PCBP3: variants seen among roughly 807,000 people sequenced by gnomAD.
The protein encoded by PCBP3 is poly(rC) binding protein 3.
In PCBP3, 25 loss-of-function variants were observed where a neutral mutation model predicts 52.7. The ratio of observed to expected loss-of-function variants is 0.47; its 90% CI spans 0.35 to 0.66. The LOEUF is 0.66. Among genes scored for constraint, PCBP3 ranks in the 30% least tolerant of loss-of-function variants. The pLI is 0.01. For missense variants in PCBP3, 391 were observed against 490.3 expected (o/e 0.80, Z 1.91); for synonymous variants, 162 against 183.0 (o/e 0.89, Z 0.93).
intron 3 of PCBP3, among the ~76,000 whole-genome samples, chr21:45,747,549 G>A (rs942857730): frequency 7.9e-5 from 12 of 152,244 alleles, no homozygotes; most frequent in Non-Finnish European, 1.5e-4. Flanking sequence ...GGCCTGCGGG[G>A]ATGGGCAGCA....
intron 2 of PCBP3, among the ~76,000 whole-genome samples, chr21:45,691,139 A>C (rs549035058): frequency 6.6e-6 from 1 of 152,176 alleles, no homozygotes; most frequent in Non-Finnish European, 1.5e-5. Flanking sequence ...CAGGCAAGTA[A>C]ACAAAGAGTA....
intron 4 of PCBP3, among the ~76,000 whole-genome samples, chr21:45,840,438 C>T (rs1487296376): frequency 7.8e-6 from 1 of 127,866 alleles, no homozygotes; most frequent in Non-Finnish European, 1.6e-5. Flanking sequence ...GCCTGGGTGA[C>T]AGAGCGGGAC....
intron 13 of PCBP3, chr21:45,918,076 A>ACT: frequency 4.2e-6 from 1 of 237,754 alleles, no homozygotes; most frequent in Non-Finnish European, 8.4e-6. Flanking sequence ...TCCCCCTTTC[A>ACT]GAGTCCACAT....
rs888609850 is a variant in PCBP3, at chr21:45,880,930, G to A, written c.11-15278G>A. On this transcript the variant is annotated intron_variant, in intron 5 of 17. Coordinates refer to ENST00000681687, the MANE Select transcript of PCBP3 (RefSeq NM_001384156.1). This position sits in a 1 kb window ranked among gnomAD's most constrained non-coding sequence, Gnocchi z 5.4. ...GCACAGCAGTGGGAAGGTACCCAGGGGCTTCAGCACGGGGTGAGTCCAAGC... is the reference window on the plus strand; with the variant it reads ...GCACAGCAGTGGGAAGGTACCCAGGAGCTTCAGCACGGGGTGAGTCCAAGC... Among the ~76,000 whole-genome samples the A allele has an allele frequency of 6.6e-6, 1 of 152,156 alleles. No homozygotes were observed. Among genetic ancestry groups the A allele is most frequent in the African/African-American group, 2.4e-5 (1 of 41,434 alleles).
At chr21:45,711,254 C>T (rs1322971276) in intron 2 of PCBP3, among the ~76,000 whole-genome samples, 1 of 152,124 alleles carries the variant, frequency 6.6e-6, no homozygotes, top group Admixed American at 6.6e-5. Flanking sequence ...ACTAACTAAC[C>T]TGTATATATG....
At chr21:45,739,525 T>C (rs1275041523) in intron 3 of PCBP3, among the ~76,000 whole-genome samples, 4 of 135,368 alleles carry the variant, frequency 3.0e-5, no homozygotes, top group African/African-American at 5.7e-5. Context: ...CCGTCCATGG[T>C]CTTCTGGGTG....
chr21:45,667,031 C>T (rs1179096634), intron 1 of PCBP3, among the ~76,000 whole-genome samples: 1 of 142,924 alleles, frequency 7.0e-6, no homozygotes, highest in Non-Finnish European at 1.6e-5. Flanking sequence ...TCTTTGTACC[C>T]CTTTATTTTC....
chr21:45,790,613 T>C (rs1210720824), intron 4 of PCBP3, among the ~76,000 whole-genome samples: 2 of 151,920 alleles, frequency 1.3e-5, no homozygotes, highest in African/African-American at 4.8e-5. Context: ...CAGGCTGGGA[T>C]GCAGTGGAGG....
At chr21:45,696,522 G>A (rs1414621057) in intron 2 of PCBP3, among the ~76,000 whole-genome samples, 4 of 152,130 alleles carry the variant, frequency 2.6e-5, no homozygotes, top group African/African-American at 9.7e-5. Flanking sequence ...GCTGGGTGCG[G>A]TGGTTCATGC....
chr21:45,779,611 A>G (rs1403253258), intron 4 of PCBP3, among the ~76,000 whole-genome samples: 5 of 152,216 alleles, frequency 3.3e-5, no homozygotes, highest in African/African-American at 1.2e-4. Context: ...TGAAAAAAAT[A>G]TTATTTTTAA....
At chr21:45,937,263 C>T (rs534279372) in intron 16 of PCBP3, among the ~76,000 whole-genome samples, 1 of 152,352 alleles carries the variant, frequency 6.6e-6, no homozygotes, top group South Asian at 2.1e-4. Context: ...AGCACGGCCA[C>T]TGGGGACACA....
Position 45,722,627 on chromosome 21 carries a change from A to G in PCBP3, c.-199-12765A>G, listed in dbSNP as rs143872287. On this transcript the variant is annotated intron_variant, in intron 2 of 17. Transcript: ENST00000681687. ...AGGCTAAAAACAAGCTGTTATAAAT[A>G]TTTTCTACAAATACTACAGATACAG... Among the ~76,000 whole-genome samples, 53 of 152,244 alleles carry G rather than the reference A, an allele frequency of 3.5e-4. No individual in the cohort carries two copies. The East Asian group carries it at 8.9e-3, about 25-fold the overall frequency.
intron 5 of PCBP3, chr21:45,859,817 G>A (rs1042149215): frequency 6.6e-6 from 1 of 152,368 alleles, no homozygotes; most frequent in Non-Finnish European, 1.5e-5. Flanking sequence ...GGGTCACAGA[G>A]AGACATGTCA....
At chr21:45,686,113 T>A (rs1045985747) in intron 2 of PCBP3, among the ~76,000 whole-genome samples, 1 of 152,066 alleles carries the variant, frequency 6.6e-6, no homozygotes, top group Non-Finnish European at 1.5e-5. Context: ...AGACAGGGTT[T>A]CACCATATTG....
At chr21:45,727,647 C>G (rs967140768) in intron 2 of PCBP3, among the ~76,000 whole-genome samples, 1 of 152,042 alleles carries the variant, frequency 6.6e-6, no homozygotes, top group South Asian at 2.1e-4. Flanking sequence ...AGGGTCTGTC[C>G]CTAGTTGTCT....
At chr21:45,775,951 C>T (rs2090221179) in intron 4 of PCBP3, among the ~76,000 whole-genome samples, 1 of 152,108 alleles carries the variant, frequency 6.6e-6, no homozygotes, top group Non-Finnish European at 1.5e-5. Flanking sequence ...AAGCTGTCTG[C>T]TTTTTTCAGG....
chr21:45,796,736 T>C (rs953980302), intron 4 of PCBP3, among the ~76,000 whole-genome samples: 1 of 152,246 alleles, frequency 6.6e-6, no homozygotes, highest in African/African-American at 2.4e-5. Context: ...TTGTCTTTTT[T>C]GTTAGCATGT....
chr21:45,654,523 T>C (rs1038994165), intron 1 of PCBP3, among the ~76,000 whole-genome samples: 2 of 152,216 alleles, frequency 1.3e-5, no homozygotes, highest in Admixed American at 6.5e-5. Context: ...GTATTTTTAG[T>C]AGAGACAGGA....
At chr21:45,708,577 G>T (rs964278518) in intron 2 of PCBP3, among the ~76,000 whole-genome samples, 2 of 152,162 alleles carry the variant, frequency 1.3e-5, no homozygotes, top group African/African-American at 4.8e-5. Context: ...CTTCATATAA[G>T]CAAACTTCAT....
Sources: allele counts gnomAD v4.1 joint callset (sites outside exome capture counted in the v4.1 genomes callset), GRCh38; gene constraint gnomAD v4.1.1; non-coding constraint Gnocchi (gnomAD v3.1); transcripts MANE v1.5; gene names NCBI Gene and HGNC (gene_info 2026-07-23, HGNC 2026-07-21).